The following RHBDL2 variants were observed in gnomAD, a reference collection of about 807,000 sequenced individuals.
The protein encoded by RHBDL2 is rhomboid-related protein 2.
RHBDL2 carries 26 observed loss-of-function variants against 31.7 expected under a neutral mutation model. That is an observed-to-expected ratio of 0.82 (90% CI 0.60 to 1.14). The LOEUF (loss-of-function observed/expected upper bound fraction) is 1.14. RHBDL2 is among the 50% of genes most tolerant of loss of function. RHBDL2 has a pLI of 0.00. For synonymous variants in RHBDL2, 123 were observed against 127.2 expected, an observed-to-expected ratio of 0.97 and a Z score of 0.22; for missense variants, 336 against 364.4, an observed-to-expected ratio of 0.92 and a Z score of 0.63.
At chr1:38,908,049 A>C (rs948240750) in intron 4 of RHBDL2, among the ~76,000 whole-genome samples, 1 of 152,030 alleles carries the variant, frequency 6.6e-6, no homozygotes, top group East Asian at 1.9e-4. Context: ...AGTTAAAAAA[A>C]GTTAGAAAAT....
intron 4 of RHBDL2, among the ~76,000 whole-genome samples, chr1:38,905,016 G>A (rs953408750): frequency 2.0e-5 from 3 of 150,212 alleles, no homozygotes; most frequent in African/African-American, 7.3e-5. Context: ...GGGCAACAGA[G>A]CGAGACTCCG....
chr1:38,894,712 T>TC (rs1480843061), intron 5 of RHBDL2, among the ~76,000 whole-genome samples: 1 of 143,624 alleles, frequency 7.0e-6, no homozygotes, highest in East Asian at 2.0e-4. Flanking sequence ...TTTTTCTTTT[T>TC]TTTTTTTTTT....
intron 3 of RHBDL2, among the ~76,000 whole-genome samples, chr1:38,911,645 T>C (rs112012785): frequency 0.34 from 21,513 of 63,330 alleles, 2,546 homozygotes; most frequent in African/African-American, 0.47. Flanking sequence ...TGTGTGTGTG[T>C]GCGCGCGCGC....
chr1:38,912,473 C>T (rs180759935), intron 3 of RHBDL2, among the ~76,000 whole-genome samples: 2 of 151,614 alleles, frequency 1.3e-5, no homozygotes, highest in Admixed American at 6.6e-5. Flanking sequence ...GTCTCGATTT[C>T]GACTCACTAC....
intron 1 of RHBDL2, among the ~76,000 whole-genome samples, chr1:38,919,733 C>A (rs1413794682): frequency 6.6e-6 from 1 of 151,966 alleles, no homozygotes; most frequent in African/African-American, 2.4e-5. Context: ...TTCACCCTCC[C>A]TGGCTAATTT....
At chr1:38,920,773 ATT>A (rs370633950) in intron 1 of RHBDL2, among the ~76,000 whole-genome samples, 13 of 137,260 alleles carry the variant, frequency 9.5e-5, no homozygotes, top group African/African-American at 1.3e-4. Flanking sequence ...CACCTGGCTA[ATT>A]TTTTTTTTTT....
intron 5 of RHBDL2, 132 bp downstream of exon 5, chr1:38,895,837 G>A (rs543182317): frequency 3.2e-6 from 2 of 627,002 alleles, no homozygotes; most frequent in Non-Finnish European, 5.7e-6. Flanking sequence ...AAACAAAATG[G>A]CATTGCCATA....
chr1:38,893,131 G>C, intron 6 of RHBDL2, 33 bp downstream of exon 6: 1 of 1,237,626 alleles, frequency 8.1e-7, no homozygotes, highest in South Asian at 1.3e-5. Flanking sequence ...ATTTTCACTT[G>C]GACAGTATGA....
chr1:38,888,744 C>A (rs1280709773), intron 6 of RHBDL2, among the ~76,000 whole-genome samples: 2 of 152,204 alleles, frequency 1.3e-5, no homozygotes, highest in Admixed American at 1.3e-4. Flanking sequence ...AACTCTTAAA[C>A]CCACCCCAGA....
At chr1:38,938,184 AT>A (rs375706059) in intron 1 of RHBDL2, among the ~76,000 whole-genome samples, 4,635 of 146,114 alleles carry the variant, frequency 0.032, 202 homozygotes, top group African/African-American at 0.1. Context: ...TGCCCAGCTA[AT>A]TTTTTTTTTT....
Position 38,886,458 on chromosome 1 carries a change from TCC to T in RHBDL2, c.*44_*45del. The T allele has an allele frequency of 7.4e-7, 1 of 1,358,416 alleles. No homozygotes were observed. The allele number at this position is 1,358,416 out of a possible 1,614,324, so 84.1% of individuals were successfully genotyped here. On this transcript the variant is annotated 3_prime_UTR_variant, in exon 8 of 8. Transcript: ENST00000372990. Reference sequence around the variant, plus strand: ...ATAGAGTCTTCCTTTTTTTTTTATTTCCTCCAGATGGCTCTTTTTATTAATTG... The same window carrying T: ...ATAGAGTCTTCCTTTTTTTTTTATTTTCCAGATGGCTCTTTTTATTAATTG...
At chr1:38,888,357 G>A (rs192235282) in intron 6 of RHBDL2, among the ~76,000 whole-genome samples, 49 of 152,146 alleles carry the variant, frequency 3.2e-4, no homozygotes, top group African/African-American at 1.2e-3. Flanking sequence ...GGGGTATGTG[G>A]GGGGGTGATT....
intron 6 of RHBDL2, among the ~76,000 whole-genome samples, chr1:38,888,958 G>T (rs1249170229): frequency 1.3e-5 from 2 of 152,176 alleles, no homozygotes; most frequent in South Asian, 2.1e-4. Flanking sequence ...TTAGGGATAA[G>T]GTTGTGGGTG....
intron 1 of RHBDL2, among the ~76,000 whole-genome samples, chr1:38,937,071 CCAAGTAG>C (rs1643518869): frequency 6.6e-6 from 1 of 152,058 alleles, no homozygotes; most frequent in Admixed American, 6.6e-5. Flanking sequence ...CCTCAGCCTC[CCAAGTAG>C]CTGAGACTAC....
intron 6 of RHBDL2, 49 bp from the exon 7 acceptor site, chr1:38,888,073 C>T: frequency 1.5e-6 from 2 of 1,292,250 alleles, no homozygotes; most frequent in Non-Finnish European, 2.2e-6. Flanking sequence ...CACAGTAGTA[C>T]ACCAAATGTT....
At chr1:38,908,161 G>GA (rs572425278) in intron 4 of RHBDL2, among the ~76,000 whole-genome samples, 13,185 of 83,096 alleles carry the variant, frequency 0.16, 835 homozygotes, top group Non-Finnish European at 0.22. Context: ...CTCCAAATTT[G>GA]AAAAAAAAAA....
chr1:38,930,578 A>T (rs894320910), intron 1 of RHBDL2, among the ~76,000 whole-genome samples: 1 of 152,190 alleles, frequency 6.6e-6, no homozygotes, highest in Admixed American at 6.5e-5. Context: ...ATCTTTGTTG[A>T]TGGTGATTGG....
intron 4 of RHBDL2, among the ~76,000 whole-genome samples, chr1:38,902,402 T>G (rs1643004128): frequency 7.8e-6 from 1 of 127,640 alleles, no homozygotes; most frequent in Admixed American, 9.5e-5. Flanking sequence ...TTATTTCATT[T>G]TATTTTTTTA....
chr1:38,908,896 G>C (rs1012705872), intron 4 of RHBDL2, among the ~76,000 whole-genome samples: 1 of 152,172 alleles, frequency 6.6e-6, no homozygotes, highest in African/African-American at 2.4e-5. Flanking sequence ...ATAACACGTG[G>C]GCTTGGAGAA....
Sources: gnomAD v4.1 joint callset for allele counts (sites outside exome capture counted in the v4.1 genomes callset) on GRCh38, gnomAD v4.1.1 for gene constraint, MANE v1.5 for transcripts, NCBI Gene and HGNC (gene_info 2026-07-23, HGNC 2026-07-21) for gene names.